The following CDH12 variants were observed in gnomAD, a reference collection of about 807,000 sequenced individuals.
The protein encoded by CDH12 is cadherin 12.
In CDH12, 41 loss-of-function variants were observed where a neutral mutation model predicts 74.1. The observed-to-expected ratio is 0.55, with a 90% confidence interval of 0.43 to 0.72. The LOEUF is 0.72. Among genes scored for constraint, CDH12 ranks in the 30% least tolerant of loss-of-function variants. The pLI is 0.00. For synonymous variants in CDH12, 399 were observed against 355.0 expected (o/e 1.12, Z -1.39); for missense variants, 945 against 977.2 (o/e 0.97, Z 0.44).
chr5:22,259,070 G>T (rs1398055732), intron 3 of CDH12, among the ~76,000 whole-genome samples: 1 of 151,774 alleles, frequency 6.6e-6, no homozygotes, highest in Non-Finnish European at 1.5e-5. Flanking sequence ...GTGTTTATTT[G>T]GATATTTTAT....
chr5:22,383,687 G>C (rs73744408), intron 3 of CDH12, among the ~76,000 whole-genome samples: 1 of 152,140 alleles, frequency 6.6e-6, no homozygotes, highest in Non-Finnish European at 1.5e-5. Flanking sequence ...CAATTCATGT[G>C]TATATTTCTC....
At chr5:22,839,928 C>G (rs560908854) in intron 1 of CDH12, among the ~76,000 whole-genome samples, 1 of 152,206 alleles carries the variant, frequency 6.6e-6, no homozygotes, top group East Asian at 1.9e-4. Context: ...TCTTTATAAA[C>G]AATAAGTTAA....
chr5:22,575,194 T>C (rs1220371954), intron 1 of CDH12, among the ~76,000 whole-genome samples: 1 of 152,134 alleles, frequency 6.6e-6, no homozygotes, highest in Non-Finnish European at 1.5e-5. Flanking sequence ...GTGTGGACTG[T>C]GTGCTTAAGC....
intron 5 of CDH12, among the ~76,000 whole-genome samples, chr5:22,032,988 C>G (rs1207232883): frequency 1.4e-5 from 2 of 144,392 alleles, no homozygotes; most frequent in Non-Finnish European, 3.0e-5. Context: ...AAAAGCTTTT[C>G]TAAAATATTC....
In CDH12 at chr5:22,049,282, T is replaced by G. The variant is rs576322526; in HGVS notation, c.231+29164A>C. Among the ~76,000 whole-genome samples, 7 of 152,280 alleles carry G rather than the reference T, an allele frequency of 4.6e-5. No homozygotes were observed. The South Asian group carries it at 1.5e-3, about 32-fold the overall frequency. On this transcript the variant is annotated intron_variant, in intron 5 of 14. Transcript: ENST00000382254. The stretch of plus-strand genomic sequence containing the variant: ...ACTCTTACAAAATTATTTGTAAAAA[T>G]TATTTCTATTGATTGAGTTTTACAT...
chr5:21,833,687 C>T (rs1159144220), intron 8 of CDH12, among the ~76,000 whole-genome samples: 1 of 125,394 alleles, frequency 8.0e-6, no homozygotes, highest in Non-Finnish European at 1.6e-5. Flanking sequence ...TGGCTCACCA[C>T]AGTAAACCAG....
intron 4 of CDH12, chr5:22,142,879 C>G (rs921240440): frequency 2.5e-5 from 6 of 237,812 alleles, no homozygotes; most frequent in African/African-American, 6.9e-5. Flanking sequence ...TGGGAAGAGT[C>G]TACCAATCTT....
At chr5:22,535,334 T>G (rs1348540985) in intron 1 of CDH12, among the ~76,000 whole-genome samples, 1 of 151,808 alleles carries the variant, frequency 6.6e-6, no homozygotes, top group Non-Finnish European at 1.5e-5. Flanking sequence ...TTTTTTGTAT[T>G]TTTAGTAGAG....
intron 3 of CDH12, among the ~76,000 whole-genome samples, chr5:22,316,756 A>G (rs1405024632): frequency 6.6e-6 from 1 of 152,152 alleles, no homozygotes; most frequent in East Asian, 1.9e-4. Context: ...TCATCTCGAT[A>G]TGTAAAAGGT....
At chr5:22,695,137 G>T (rs962575636) in intron 1 of CDH12, among the ~76,000 whole-genome samples, 1 of 152,036 alleles carries the variant, frequency 6.6e-6, no homozygotes, top group Non-Finnish European at 1.5e-5. Context: ...ATGGTTTCCA[G>T]CTTCATCCAT....
At chr5:22,501,971 G>T (rs1208375205) in intron 2 of CDH12, among the ~76,000 whole-genome samples, 1 of 152,050 alleles carries the variant, frequency 6.6e-6, no homozygotes, top group Non-Finnish European at 1.5e-5. Context: ...CTAAAGACTT[G>T]CTTTTTAAAA....
At chr5:22,614,289 G>C (rs1737571629) in intron 1 of CDH12, among the ~76,000 whole-genome samples, 2 of 152,084 alleles carry the variant, frequency 1.3e-5, no homozygotes, top group African/African-American at 4.8e-5. Context: ...GGGAAAAGCA[G>C]ACATACATTA....
intron 1 of CDH12, among the ~76,000 whole-genome samples, chr5:22,568,484 C>G (rs1035528128): frequency 6.6e-6 from 1 of 152,164 alleles, no homozygotes; most frequent in African/African-American, 2.4e-5. Flanking sequence ...TCTGACATAA[C>G]ATTTAATTTT....
At chr5:22,076,336 T>C (rs146094807) in intron 5 of CDH12, among the ~76,000 whole-genome samples, 5 of 152,270 alleles carry the variant, frequency 3.3e-5, no homozygotes, top group Non-Finnish European at 5.9e-5. Context: ...TACAATCCCA[T>C]GGACTGTTCG....
intron 4 of CDH12, chr5:22,143,352 C>T (rs1746932593): frequency 7.9e-6 from 1 of 126,080 alleles, no homozygotes. Context: ...AACTATAATA[C>T]AAATGTATAA....
At chr5:22,621,819 T>C (rs1342213025) in intron 1 of CDH12, among the ~76,000 whole-genome samples, 1 of 152,022 alleles carries the variant, frequency 6.6e-6, no homozygotes, top group East Asian at 1.9e-4. Flanking sequence ...AATGATTCTA[T>C]AGCTGGTAAA....
At chr5:22,790,391 A>T (rs1747846840) in intron 1 of CDH12, among the ~76,000 whole-genome samples, 2 of 152,262 alleles carry the variant, frequency 1.3e-5, no homozygotes, top group South Asian at 4.1e-4. Context: ...ACAATTCTCA[A>T]AGGGTCTTGT....
At chr5:22,620,180 C>A (rs537065325) in intron 1 of CDH12, among the ~76,000 whole-genome samples, 1 of 152,140 alleles carries the variant, frequency 6.6e-6, no homozygotes, top group African/African-American at 2.4e-5. Context: ...TAAGAGTTTT[C>A]ATTTCTTCAG....
chr5:22,101,205 C>T (rs1561111391), intron 4 of CDH12, among the ~76,000 whole-genome samples: 1 of 151,836 alleles, frequency 6.6e-6, no homozygotes, highest in Admixed American at 6.6e-5. Context: ...ATTTTAGACA[C>T]CGAGACTTTT....
Sources: gnomAD v4.1 joint callset for allele counts (sites outside exome capture counted in the v4.1 genomes callset) on GRCh38, gnomAD v4.1.1 for gene constraint, MANE v1.5 for transcripts, NCBI Gene and HGNC (gene_info 2026-07-23, HGNC 2026-07-21) for gene names.